ST8SIA5: variants seen among roughly 807,000 people sequenced by gnomAD.
ST8SIA5 encodes the protein ST8 alpha-N-acetyl-neuraminide alpha-2,8-sialyltransferase 5, also known as alpha-2,8-sialyltransferase 8E.
ST8SIA5 carries 24 observed loss-of-function variants against 40.2 expected under a neutral mutation model. The ratio of observed to expected loss-of-function variants is 0.60; its 90% confidence interval spans 0.43 to 0.84. ST8SIA5 has a LOEUF of 0.84. Ranked by LOEUF, ST8SIA5 falls within the 40% of genes least tolerant of loss-of-function variation. The pLI is 0.00. For synonymous variants in ST8SIA5, 198 were observed against 201.8 expected (o/e 0.98, Z 0.16); for missense variants, 465 against 498.5 (o/e 0.93, Z 0.64).
At chr18:46,702,146 CAAA>C (rs5824635) in intron 2 of ST8SIA5, among the ~76,000 whole-genome samples, 1 of 120,750 alleles carries the variant, frequency 8.3e-6, no homozygotes. Flanking sequence ...GACTCCATCT[CAAA>C]AAAAAAAAAA....
chr18:46,721,329 C>G (rs1479039307), intron 1 of ST8SIA5: 1 of 1,529,678 alleles, frequency 6.5e-7, no homozygotes, highest in East Asian at 2.4e-5. Context: ...GTTGAGCTTC[C>G]CCCACTCCCT....
At chr18:46,718,856 C>T (rs375876925) in intron 1 of ST8SIA5, among the ~76,000 whole-genome samples, 59 of 152,238 alleles carry the variant, frequency 3.9e-4, no homozygotes, top group African/African-American at 1.3e-3. Context: ...GGAGAGTTGT[C>T]AATTGGGACA....
chr18:46,742,890 CT>C (rs1325152870), intron 1 of ST8SIA5, among the ~76,000 whole-genome samples: 2 of 152,340 alleles, frequency 1.3e-5, no homozygotes, highest in Non-Finnish European at 2.9e-5. Context: ...GCAATATTTG[CT>C]GTTCTGCAGC....
intron 6 of ST8SIA5, among the ~76,000 whole-genome samples, 153 bp from the exon 7 acceptor site, chr18:46,680,663 G>C (rs1212028595): frequency 6.6e-6 from 1 of 152,230 alleles, no homozygotes; most frequent in Non-Finnish European, 1.5e-5. Flanking sequence ...TGCAGATGAA[G>C]GTGAGAACTC....
At chr18:46,740,284 A>C (rs2040075395) in intron 1 of ST8SIA5, among the ~76,000 whole-genome samples, 1 of 152,226 alleles carries the variant, frequency 6.6e-6, no homozygotes. Context: ...GGAGGGTCAC[A>C]CTGGGAACCT....
At chr18:46,704,413 C>T (rs146024741) in intron 2 of ST8SIA5, among the ~76,000 whole-genome samples, 159 bp downstream of exon 2, 2 of 152,248 alleles carry the variant, frequency 1.3e-5, no homozygotes, top group African/African-American at 4.8e-5. Flanking sequence ...CAGGGCTTTC[C>T]GAATGCCAGT....
At chr18:46,752,388 C>A (rs1001649082) in intron 1 of ST8SIA5, among the ~76,000 whole-genome samples, 5 of 152,184 alleles carry the variant, frequency 3.3e-5, no homozygotes, top group Non-Finnish European at 7.3e-5. Flanking sequence ...AAGAGTAAAT[C>A]TGCATGAAGT....
chr18:46,686,190 C>T lies in ST8SIA5; in HGVS notation c.553G>A (p.Ala185Thr), dbSNP rs1366478965. 5.0e-6 allele frequency: 8 copies of T among 1,614,006 alleles called. No homozygotes were observed. The highest frequency in any genetic ancestry group is 1.7e-5 in the Admixed American group (1 of 59,998). The part of the protein sequence containing the change: ...NSRCGREINS[A>T]DFVFRCNLPP... ...TTCTTTTACCGGAAGACGAAGTCGGCGCTGTTGATCTCCCTCCCGCAGCGG... is the reference window on the plus strand; with the variant it reads ...TTCTTTTACCGGAAGACGAAGTCGGTGCTGTTGATCTCCCTCCCGCAGCGG... The change falls in exon 5 of 7, where the codon GCC becomes ACC. Residue 185 changes from alanine to threonine, a missense_variant. Ala to Thr is a moderately conservative substitution (Grantham distance 58, BLOSUM62 0). Transcript: ENST00000315087.
At chr18:46,694,746 T>C (rs1000458094) in intron 2 of ST8SIA5, among the ~76,000 whole-genome samples, 135 of 152,224 alleles carry the variant, frequency 8.9e-4, no homozygotes, top group Middle Eastern at 3.4e-3. Context: ...CCCGATTTTG[T>C]TATAGGCAAA....
intron 1 of ST8SIA5, among the ~76,000 whole-genome samples, chr18:46,725,972 A>AATATATATAT (rs1555696955): frequency 2.3e-3 from 66 of 28,972 alleles, no homozygotes; most frequent in East Asian, 6.5e-3. Context: ...AAAAAAAAAA[A>AATATATATAT]ATATATATAT....
chr18:46,740,651 T>A (rs865998591), intron 1 of ST8SIA5, among the ~76,000 whole-genome samples: 23 of 152,322 alleles, frequency 1.5e-4, no homozygotes, highest in Middle Eastern at 6.8e-3. Flanking sequence ...TCTAACTTCA[T>A]GAGTGAGTAA....
intron 1 of ST8SIA5, among the ~76,000 whole-genome samples, chr18:46,717,423 C>T (rs1327918384): frequency 6.6e-6 from 1 of 152,164 alleles, no homozygotes; most frequent in African/African-American, 2.4e-5. Context: ...ACAACCTCTG[C>T]CTCCTGAGTT....
chr18:46,712,326 G>A (rs2039740856), intron 1 of ST8SIA5, among the ~76,000 whole-genome samples: 1 of 152,160 alleles, frequency 6.6e-6, no homozygotes, highest in African/African-American at 2.4e-5. Flanking sequence ...ATACATCCTA[G>A]CTGCCTCCTT....
At chr18:46,711,829 C>T (rs1193530115) in intron 1 of ST8SIA5, among the ~76,000 whole-genome samples, 1 of 152,236 alleles carries the variant, frequency 6.6e-6, no homozygotes, top group African/African-American at 2.4e-5. Flanking sequence ...TGGCCCGGCT[C>T]AGCAGCCTTG....
chr18:46,688,909 A>T lies in ST8SIA5; in HGVS notation c.322T>A (p.Ser108Thr), dbSNP rs34776857. 1.5e-4 allele frequency: 247 copies of T among 1,612,538 alleles called. 1 individual carries two copies. In the African/African-American group the frequency reaches 2.7e-3, roughly 18 times the overall value. Residue 108 changes from serine (S) to threonine (T), a missense_variant, in exon 4 of 7, where the codon TCC becomes ACC. Coordinates refer to ENST00000315087, the MANE Select transcript of ST8SIA5 (RefSeq NM_013305.6). ...SEANQFKSTLSRCCNAPAFLF... is the reference protein window; with the variant it reads ...SEANQFKSTLTRCCNAPAFLF... ...AAGGCAGGGGCGTTGCAGCACCTGG[A>T]CAGAGTAGACCTGCCAGGCAGGGAG...
intron 1 of ST8SIA5, among the ~76,000 whole-genome samples, chr18:46,724,838 G>A (rs2039897967): frequency 6.6e-6 from 1 of 152,094 alleles, no homozygotes; most frequent in East Asian, 1.9e-4. Context: ...GCTGGGCATG[G>A]TGGTGCGTGC....
At chr18:46,694,225 C>T (rs1048644311) in intron 2 of ST8SIA5, among the ~76,000 whole-genome samples, 1 of 151,650 alleles carries the variant, frequency 6.6e-6, no homozygotes, top group African/African-American at 2.4e-5. Context: ...AATTATGCAT[C>T]TTTTTTTTTG....
At chr18:46,699,914 G>C (rs915111221) in intron 2 of ST8SIA5, among the ~76,000 whole-genome samples, 1 of 152,172 alleles carries the variant, frequency 6.6e-6, no homozygotes, top group Non-Finnish European at 1.5e-5. Flanking sequence ...TGCCCAGCTG[G>C]CCTTTGCTCC....
chr18:46,744,038 C>T (rs1035320603), intron 1 of ST8SIA5, among the ~76,000 whole-genome samples: 1 of 152,150 alleles, frequency 6.6e-6, no homozygotes, highest in Non-Finnish European at 1.5e-5. Flanking sequence ...ACCAGCAGGC[C>T]TGCCTTACAA....
Sources: gnomAD v4.1 joint callset for allele counts (sites outside exome capture counted in the v4.1 genomes callset) on GRCh38, gnomAD v4.1.1 for gene constraint, MANE v1.5 for transcripts, NCBI Gene and HGNC (gene_info 2026-07-23, HGNC 2026-07-21) for gene names.